DSCAM: variants seen among roughly 807,000 people sequenced by gnomAD.
The protein encoded by DSCAM is DS cell adhesion molecule.
Under a neutral mutation model 217.7 loss-of-function variants are expected in DSCAM, and 47 were observed. The ratio of observed to expected loss-of-function variants is 0.22; its 90% CI spans 0.17 to 0.28. The LOEUF is 0.28. Among genes scored for constraint, DSCAM ranks in the 10% least tolerant of loss-of-function variants. The pLI is 1.00. For missense variants in DSCAM, 2,080 were observed against 2,618.3 expected (o/e 0.79, Z 4.49); for synonymous variants, 1,056 against 1,015.3 (o/e 1.04, Z -0.76).
intron 1 of DSCAM, among the ~76,000 whole-genome samples, chr21:40,751,986 C>T (rs1032999756): frequency 1.3e-5 from 2 of 152,166 alleles, no homozygotes; most frequent in African/African-American, 4.8e-5. Context: ...GCTCACTGTG[C>T]AGCAAATTCA....
At chr21:40,521,641 C>A (rs572525721) in intron 3 of DSCAM, among the ~76,000 whole-genome samples, 5 of 148,258 alleles carry the variant, frequency 3.4e-5, no homozygotes, top group South Asian at 4.7e-4. Flanking sequence ...TCAAATACCA[C>A]GTTTTCACTC....
At chr21:40,248,945 A>G (rs949283496) in intron 11 of DSCAM, among the ~76,000 whole-genome samples, 14 of 152,116 alleles carry the variant, frequency 9.2e-5, no homozygotes, top group Non-Finnish European at 2.9e-5. Flanking sequence ...GATGAAGTAA[A>G]AGCAGAAACC....
At chr21:40,025,587 G>A (rs1008778624) in intron 32 of DSCAM, among the ~76,000 whole-genome samples, 2 of 150,508 alleles carry the variant, frequency 1.3e-5, no homozygotes, top group African/African-American at 4.9e-5. Context: ...ACTTCTTCCT[G>A]GTTTAGTCTT....
In DSCAM at chr21:40,590,772, C is replaced by T. The variant is rs61652340; in HGVS notation, c.508+102038G>A. On this transcript the variant is annotated intron_variant, in intron 3 of 32. Transcript: ENST00000400454. ...TACCAATATTATCCTCCTCATTTCT[C>T]AGGTGAAGCAGCATCTTAGAGGGGT... is the stretch of plus-strand genomic sequence containing the variant. Among the ~76,000 whole-genome samples the T allele has an allele frequency of 5.1e-3, 783 of 152,286 alleles. 4 individuals carry two copies. Among genetic ancestry groups the T allele is most frequent in the African/African-American group, 0.018 (753 of 41,564 alleles).
At chr21:40,055,565 G>C (rs2089001736) in intron 29 of DSCAM, among the ~76,000 whole-genome samples, 160 bp downstream of exon 29, 1 of 152,168 alleles carries the variant, frequency 6.6e-6, no homozygotes, top group African/African-American at 2.4e-5. Context: ...TGCTGGTACT[G>C]ATTCTTCTTC....
intron 3 of DSCAM, among the ~76,000 whole-genome samples, chr21:40,476,228 C>T (rs890667867): frequency 1.3e-5 from 2 of 152,036 alleles, no homozygotes; most frequent in African/African-American, 2.4e-5. Flanking sequence ...GAAGGTATAT[C>T]GATAATTTTA....
intron 2 of DSCAM, 71 bp downstream of exon 2, chr21:40,708,383 C>T (rs1306949016): frequency 6.3e-6 from 8 of 1,269,298 alleles, no homozygotes; most frequent in Non-Finnish European, 8.3e-6. Flanking sequence ...TGGCATTTTG[C>T]TATGTGTCAT....
chr21:40,719,809 A>G (rs1209915764), intron 1 of DSCAM, among the ~76,000 whole-genome samples: 1 of 152,210 alleles, frequency 6.6e-6, no homozygotes, highest in Non-Finnish European at 1.5e-5. Flanking sequence ...GGTGCAGAGA[A>G]TGGAAAGGGC....
chr21:40,690,480 G>A lies in DSCAM; in HGVS notation c.508+2330C>T, dbSNP rs563499763. ...GTATTCCTTAATAAGATAAACACCT[G>A]TGTTGTATTTATTTTCTAGATGCTG... On this transcript the variant is annotated intron_variant, in intron 3 of 32. Coordinates refer to ENST00000400454, the MANE Select transcript of DSCAM (RefSeq NM_001389.5). Among the ~76,000 whole-genome samples the A allele has an allele frequency of 2.0e-4, 30 of 152,254 alleles. No individual in the cohort carries two copies. The South Asian group carries it at 6.0e-3, about 31-fold the overall frequency.
chr21:40,816,948 A>C (rs2091885936), intron 1 of DSCAM, among the ~76,000 whole-genome samples: 1 of 152,178 alleles, frequency 6.6e-6, no homozygotes, highest in South Asian at 2.1e-4. Context: ...ACATTCTCTA[A>C]AGCTGATGAT....
intron 20 of DSCAM, among the ~76,000 whole-genome samples, chr21:40,113,836 C>A (rs1267968549): frequency 6.6e-6 from 1 of 152,040 alleles, no homozygotes; most frequent in African/African-American, 2.4e-5. Flanking sequence ...AATAAAATAC[C>A]TAGGAATCCA....
intron 1 of DSCAM, among the ~76,000 whole-genome samples, chr21:40,733,942 C>G (rs2091037856): frequency 6.6e-6 from 1 of 152,180 alleles, no homozygotes; most frequent in African/African-American, 2.4e-5. Context: ...TGACCCCTCT[C>G]TATATCTTTC....
At chr21:40,825,379 A>G (rs1467272549) in intron 1 of DSCAM, among the ~76,000 whole-genome samples, 1 of 150,700 alleles carries the variant, frequency 6.6e-6, no homozygotes, top group Non-Finnish European at 1.5e-5. Context: ...GTGCAATGGC[A>G]CGATCTCAGC....
intron 11 of DSCAM, among the ~76,000 whole-genome samples, chr21:40,235,199 T>C (rs2091415719): frequency 6.6e-6 from 1 of 152,188 alleles, no homozygotes; most frequent in Admixed American, 6.5e-5. Flanking sequence ...CATTGGGATA[T>C]GGTCAGGGGG....
At chr21:40,271,648 C>T (rs1397088950) in intron 11 of DSCAM, among the ~76,000 whole-genome samples, 1 of 152,180 alleles carries the variant, frequency 6.6e-6, no homozygotes, top group African/African-American at 2.4e-5. Context: ...AAATCTGCCT[C>T]CACCTTTTGG....
At chr21:40,206,340 G>A (rs2091125670) in intron 11 of DSCAM, among the ~76,000 whole-genome samples, 2 of 152,200 alleles carry the variant, frequency 1.3e-5, no homozygotes, top group South Asian at 4.1e-4. Flanking sequence ...GCAGCTCTGG[G>A]TAGCAGAGCA....
At chr21:40,589,599 C>CA (rs1427895739) in intron 3 of DSCAM, among the ~76,000 whole-genome samples, 1 of 151,972 alleles carries the variant, frequency 6.6e-6, no homozygotes, top group Non-Finnish European at 1.5e-5. Flanking sequence ...AAAAAACACA[C>CA]AAAAAACAAA....
intron 3 of DSCAM, among the ~76,000 whole-genome samples, chr21:40,547,642 AAAGAC>A: frequency 6.6e-6 from 1 of 152,118 alleles, no homozygotes; most frequent in East Asian, 1.9e-4. Context: ...GCACAAGTAC[AAAGAC>A]ACCGGTGGAA....
At chr21:40,141,354 C>A (rs1319037114) in intron 18 of DSCAM, among the ~76,000 whole-genome samples, 6 of 152,176 alleles carry the variant, frequency 3.9e-5, no homozygotes, top group Non-Finnish European at 8.8e-5. Context: ...GTGGGTCACG[C>A]CTGTAATCCC....
Sources: allele counts gnomAD v4.1 joint callset (sites outside exome capture counted in the v4.1 genomes callset), GRCh38; gene constraint gnomAD v4.1.1; transcripts MANE v1.5; gene names NCBI Gene and HGNC (gene_info 2026-07-23, HGNC 2026-07-21).